The following MARCHF1 variants were observed in gnomAD, a reference collection of about 807,000 sequenced individuals.
MARCHF1 encodes the protein E3 ubiquitin-protein ligase MARCHF1.
A neutral mutation model predicts 54.2 loss-of-function variants in MARCHF1; 40 were observed. The ratio of observed to expected loss-of-function variants is 0.74; its 90% CI spans 0.57 to 0.96. The LOEUF is 0.96. Ranked by LOEUF, MARCHF1 falls within the 40% of genes least tolerant of loss-of-function variation. The pLI, the probability that MARCHF1 is intolerant of heterozygous loss-of-function variation, is 0.00. For missense variants in MARCHF1, 586 were observed against 656.5 expected (o/e 0.89, Z 1.17); for synonymous variants, 236 against 236.3 (o/e 1.00, Z 0.01).
chr4:164,290,068 G>C (rs545450423), intron 1 of MARCHF1, among the ~76,000 whole-genome samples: 1 of 151,546 alleles, frequency 6.6e-6, no homozygotes, highest in Non-Finnish European at 1.5e-5. Flanking sequence ...CTTTTCCTGT[G>C]CCCTGACGCA....
At chr4:163,953,200 T>A (rs571013701) in intron 3 of MARCHF1, among the ~76,000 whole-genome samples, 6 of 152,282 alleles carry the variant, frequency 3.9e-5, no homozygotes, top group African/African-American at 1.2e-4. Flanking sequence ...CACCTTCCTA[T>A]AAAAATAAAT....
chr4:164,349,219 T>C (rs1484412852), intron 1 of MARCHF1, among the ~76,000 whole-genome samples: 2 of 152,174 alleles, frequency 1.3e-5, no homozygotes, highest in East Asian at 1.9e-4. Context: ...TATATCCTCT[T>C]AAAACGACAC....
rs186833738 is a variant in MARCHF1, at chr4:163,677,751, C to A, written c.162+23062G>T. ...CCTATTGAGGACTACGACTTTCTAC[C>A]TCTCGCACATTTAAACTCCAGCAGA... On this transcript the variant is annotated intron_variant, in intron 5 of 9. Transcript: ENST00000514618. Among the ~76,000 whole-genome samples, 21 of 152,302 alleles carry A rather than the reference C, an allele frequency of 1.4e-4. No homozygotes were observed. The East Asian group carries it at 2.7e-3, about 20-fold the overall frequency.
chr4:164,179,351 T>C (rs990069202), intron 1 of MARCHF1, among the ~76,000 whole-genome samples: 5 of 152,168 alleles, frequency 3.3e-5, no homozygotes, highest in Non-Finnish European at 7.4e-5. Context: ...TGTATTGTGA[T>C]TTCATTTAGC....
chr4:164,109,499 T>C lies in MARCHF1; in HGVS notation c.-248+2089A>G, dbSNP rs80047340. Among the ~76,000 whole-genome samples the C allele has an allele frequency of 4.1e-3, 620 of 152,108 alleles. 4 individuals carry two copies. Among genetic ancestry groups the C allele is most frequent in the Admixed American group, 0.011 (162 of 15,240 alleles). On this transcript the variant is annotated intron_variant, in intron 2 of 9. Coordinates refer to ENST00000514618, the MANE Select transcript of MARCHF1 (RefSeq NM_001394959.1). ...ACATGAAGAAGAATAATTATCTCAC[T>C]ATGTCTTCTTTTTCAAATGCAAGTA...
intron 2 of MARCHF1, among the ~76,000 whole-genome samples, chr4:164,096,076 A>C (rs1045985963): frequency 2.0e-5 from 3 of 152,156 alleles, no homozygotes; most frequent in African/African-American, 7.2e-5. Context: ...TACATACCCA[A>C]AGGGAAATAA....
At chr4:164,284,691 T>C (rs1303251980) in intron 1 of MARCHF1, among the ~76,000 whole-genome samples, 1 of 151,050 alleles carries the variant, frequency 6.6e-6, no homozygotes, top group Non-Finnish European at 1.5e-5. Context: ...AGATGCCTAA[T>C]TAGCTACCAG....
At chr4:163,748,122 A>T (rs1746413639) in intron 4 of MARCHF1, among the ~76,000 whole-genome samples, 1 of 152,134 alleles carries the variant, frequency 6.6e-6, no homozygotes, top group African/African-American at 2.4e-5. Context: ...ACATTCCCCC[A>T]CATTCCCTTG....
intron 2 of MARCHF1, among the ~76,000 whole-genome samples, chr4:164,078,473 G>A (rs13140272): frequency 0.49 from 74,405 of 151,778 alleles, 19,603 homozygotes; most frequent in Non-Finnish European, 0.6. Flanking sequence ...ACATGTATAC[G>A]TATGTTAACA....
At chr4:164,175,497 C>T (rs1730640246) in intron 1 of MARCHF1, among the ~76,000 whole-genome samples, 2 of 152,088 alleles carry the variant, frequency 1.3e-5, no homozygotes, top group South Asian at 4.1e-4. Flanking sequence ...TTCTATGTAT[C>T]AACTTGGCTA....
intron 4 of MARCHF1, among the ~76,000 whole-genome samples, chr4:163,808,087 A>G (rs1216149165): frequency 6.6e-6 from 1 of 152,200 alleles, no homozygotes; most frequent in Non-Finnish European, 1.5e-5. Flanking sequence ...GTGACACAAT[A>G]TTTTGAGAGA....
intron 1 of MARCHF1, among the ~76,000 whole-genome samples, chr4:164,306,881 A>G (rs1304907615): frequency 1.3e-5 from 2 of 152,226 alleles, no homozygotes; most frequent in East Asian, 3.8e-4. Flanking sequence ...AATCATCATC[A>G]ATGACATCTC....
In MARCHF1 at chr4:164,254,311, G is replaced by GTATATA. The variant is rs146447802; in HGVS notation, c.-323+129558_-323+129559insTATATA. On this transcript the variant is annotated intron_variant, in intron 1 of 9. Transcript: ENST00000514618. ...TTCTCTTAAAGGGACAGAACTAATA[G>GTATATA]TATACATATATATATATCCTATATA... is the stretch of plus-strand genomic sequence containing the variant. 4.9e-5 allele frequency among the ~76,000 whole-genome samples: 7 copies of GTATATA among 144,026 alleles called. No homozygotes were observed. The South Asian group carries it at 8.5e-4, about 17-fold the overall frequency. 94.5% of individuals were successfully genotyped at this position (144,026 alleles called of 152,430 possible).
chr4:164,083,390 T>C (rs1255790409), intron 2 of MARCHF1, among the ~76,000 whole-genome samples: 1 of 152,118 alleles, frequency 6.6e-6, no homozygotes, highest in African/African-American at 2.4e-5. Context: ...TCTTGTCACA[T>C]GTTTTCTAAA....
intron 8 of MARCHF1, chr4:163,585,278 G>A (rs528761390): frequency 6.6e-6 from 1 of 152,086 alleles, no homozygotes; most frequent in African/African-American, 2.4e-5. Context: ...AACATAAATA[G>A]TACACACTTT....
At chr4:164,132,428 T>C (rs999603421) in intron 1 of MARCHF1, among the ~76,000 whole-genome samples, 9 of 152,192 alleles carry the variant, frequency 5.9e-5, no homozygotes, top group African/African-American at 1.4e-4. Flanking sequence ...TAGATCATGG[T>C]TGACATTGTT....
chr4:163,746,920 G>A lies in MARCHF1; in HGVS notation c.112-46057C>T, dbSNP rs553752627. On this transcript the variant is annotated intron_variant, in intron 4 of 9. Transcript: ENST00000514618. Reference sequence around the variant, plus strand: ...CAGAGGCTAAAAACTAAATGAAAGCGCAAATCCGGAGACGTAAGTTGACCA... The same window carrying A: ...CAGAGGCTAAAAACTAAATGAAAGCACAAATCCGGAGACGTAAGTTGACCA... Among the ~76,000 whole-genome samples, 6 of 152,216 alleles carry A rather than the reference G, an allele frequency of 3.9e-5. No homozygotes were observed. The South Asian group carries it at 1.0e-3, about 26-fold the overall frequency.
intron 1 of MARCHF1, among the ~76,000 whole-genome samples, chr4:164,150,103 A>G (rs921982805): frequency 2.4e-4 from 36 of 152,228 alleles, no homozygotes; most frequent in African/African-American, 8.0e-4. Flanking sequence ...GTTAGGTTTT[A>G]TGTGCACACA....
intron 1 of MARCHF1, among the ~76,000 whole-genome samples, chr4:164,179,267 A>G (rs1184271746): frequency 6.6e-6 from 1 of 152,198 alleles, no homozygotes; most frequent in African/African-American, 2.4e-5. Context: ...ACACCAGTAC[A>G]GGATTCTGCA....
Sources: gnomAD v4.1 joint callset for allele counts (sites outside exome capture counted in the v4.1 genomes callset) on GRCh38, gnomAD v4.1.1 for gene constraint, MANE v1.5 for transcripts, NCBI Gene and HGNC (gene_info 2026-07-23, HGNC 2026-07-21) for gene names.